NALCN: variants seen among roughly 807,000 people sequenced by gnomAD.
NALCN encodes the protein sodium leak channel, non-selective.
A neutral mutation model predicts 225.3 loss-of-function variants in NALCN; 111 were observed. The ratio of observed to expected loss-of-function variants is 0.49; its 90% CI spans 0.42 to 0.58. The LOEUF (loss-of-function observed/expected upper bound fraction) is 0.58. Ranked by LOEUF, NALCN falls within the 20% of genes least tolerant of loss-of-function variation. The pLI, the probability that NALCN is intolerant of heterozygous loss-of-function variation, is 0.00. For synonymous variants in NALCN, 764 were observed against 769.0 expected, an observed-to-expected ratio of 0.99 and a Z score of 0.11; for missense variants, 1,378 against 2,202.4, an observed-to-expected ratio of 0.63 and a Z score of 7.49.
rs7981939 is a variant in NALCN at position 101,101,009 on chromosome 13, G to T, written c.3058-121C>A. On this transcript the variant is annotated intron_variant, in intron 26 of 43. Transcript: ENST00000251127. Reference sequence around the variant, plus strand: ...TGTATAAAAATCATGGGTTTTTGATGATATATTTTAACTTCTCCACCATAG... The same window carrying T: ...TGTATAAAAATCATGGGTTTTTGATTATATATTTTAACTTCTCCACCATAG... The T allele has an allele frequency of 0.35, 261,031 of 746,642 alleles. 49,152 individuals carry two copies. The highest frequency in any genetic ancestry group is 0.43 in the East Asian group (14,618 of 33,906). 46.3% of individuals were successfully genotyped at this position (746,642 alleles called of 1,614,324 possible).
chr13:101,376,561 T>C, intron 6 of NALCN, 139 bp downstream of exon 6: 1 of 728,298 alleles, frequency 1.4e-6, no homozygotes, highest in Non-Finnish European at 2.1e-6. Flanking sequence ...ACAAAAACAA[T>C]ACCGAGGAAG....
chr13:101,101,770 C>A (rs111275976), intron 26 of NALCN, among the ~76,000 whole-genome samples: 1 of 152,014 alleles, frequency 6.6e-6, no homozygotes, highest in Non-Finnish European at 1.5e-5. Flanking sequence ...TCAGCAGAGA[C>A]GAGTGGCAGA....
chr13:101,215,393 T>C lies in NALCN; in HGVS notation c.1626+14000A>G, dbSNP rs142851622. Among the ~76,000 whole-genome samples the C allele has an allele frequency of 7.3e-3, 1,111 of 152,284 alleles. 10 individuals carry two copies. Among genetic ancestry groups the C allele is most frequent in the South Asian group, 0.029 (139 of 4,826 alleles). On this transcript the variant is annotated intron_variant, in intron 13 of 43. Transcript: ENST00000251127. ...TACTTTTCTATTGATGTGTAACAAA[T>C]TACCACAAACGAAGCAGCTTAACAC...
chr13:101,411,065 A>G (rs528373741), intron 1 of NALCN, among the ~76,000 whole-genome samples: 1 of 152,274 alleles, frequency 6.6e-6, no homozygotes, highest in East Asian at 1.9e-4. Context: ...TTGGCATTCT[A>G]ATTTACCTTA....
At chr13:101,326,868 G>T (rs1266301063) in intron 7 of NALCN, among the ~76,000 whole-genome samples, 1 of 152,150 alleles carries the variant, frequency 6.6e-6, no homozygotes, top group African/African-American at 2.4e-5. Flanking sequence ...AGCAGCTGGG[G>T]CTGGCTGACC....
chr13:101,150,238 T>C (rs1384113047), intron 15 of NALCN, among the ~76,000 whole-genome samples: 1 of 150,590 alleles, frequency 6.6e-6, no homozygotes, highest in Admixed American at 6.6e-5. Flanking sequence ...AGAGTGGTCG[T>C]CCTGGGTGGG....
At chr13:101,188,973 C>A (rs1252294879) in intron 14 of NALCN, among the ~76,000 whole-genome samples, 1 of 152,126 alleles carries the variant, frequency 6.6e-6, no homozygotes, top group Non-Finnish European at 1.5e-5. Flanking sequence ...CAGGCGTGAG[C>A]CACCGTGCTG....
At chr13:101,260,560 A>G (rs1191612478) in intron 10 of NALCN, among the ~76,000 whole-genome samples, 2 of 152,118 alleles carry the variant, frequency 1.3e-5, no homozygotes, top group East Asian at 3.9e-4. Context: ...AATATAAACC[A>G]TTTTAACTGG....
chr13:101,068,811 C>G lies in NALCN; in HGVS notation c.4214G>C (p.Cys1405Ser). The G allele has an allele frequency of 6.2e-7, 1 of 1,608,410 alleles. No individual in the cohort carries two copies. Among genetic ancestry groups the G allele is most frequent in the East Asian group, 2.2e-5 (1 of 44,608 alleles). The change falls in exon 38 of 44, where the codon TGT becomes TCT. Residue 1405 changes from cysteine to serine, a missense_variant. Cys to Ser is a moderately radical substitution (Grantham distance 112). Transcript: ENST00000251127. ...MHDCMVQPPF[C>S]TPDEFTYWAT... ...CCAGTATGTAAATTCATCTGGAGTA[C>G]AAAACGGAGGCTGAACCTTTGGGGC... is the stretch of plus-strand genomic sequence containing the variant.
chr13:101,274,182 A>G (rs1566516311), intron 10 of NALCN, among the ~76,000 whole-genome samples: 1 of 152,216 alleles, frequency 6.6e-6, no homozygotes, highest in Admixed American at 6.5e-5. Context: ...CTAGCTATAT[A>G]TGTTAGAACA....
intron 17 of NALCN, among the ~76,000 whole-genome samples, chr13:101,126,406 T>C (rs757836528): frequency 1.5e-4 from 23 of 152,186 alleles, no homozygotes; most frequent in Non-Finnish European, 2.9e-5. Context: ...GGAACTTCCA[T>C]TTTCTTGGTA....
At chr13:101,408,625 G>A (rs930655597) in intron 1 of NALCN, among the ~76,000 whole-genome samples, 2 of 152,130 alleles carry the variant, frequency 1.3e-5, no homozygotes, top group Admixed American at 1.3e-4. Context: ...CAAAAGTCAA[G>A]ACCCTGATTT....
intron 1 of NALCN, among the ~76,000 whole-genome samples, chr13:101,415,379 T>C (rs2047913911): frequency 6.6e-6 from 1 of 152,052 alleles, no homozygotes; most frequent in Admixed American, 6.5e-5. Context: ...GAACACCAGA[T>C]TAAGAGTAAA....
intron 15 of NALCN, among the ~76,000 whole-genome samples, chr13:101,173,986 G>A (rs191993452): frequency 6.6e-6 from 1 of 152,056 alleles, no homozygotes; most frequent in South Asian, 2.1e-4. Flanking sequence ...TAAAGGCCAA[G>A]ATCACTGAAA....
intron 11 of NALCN, among the ~76,000 whole-genome samples, chr13:101,255,340 C>T (rs1254370234): frequency 2.6e-5 from 4 of 152,134 alleles, no homozygotes; most frequent in Non-Finnish European, 5.9e-5. Flanking sequence ...CAATTCTGTA[C>T]ATGAAAAAGT....
chr13:101,132,631 T>C (rs1031854163), intron 17 of NALCN, among the ~76,000 whole-genome samples: 2 of 152,104 alleles, frequency 1.3e-5, no homozygotes, highest in African/African-American at 4.8e-5. Context: ...TTATCTCTTT[T>C]TTCCAGATTA....
chr13:101,227,299 C>T (rs74120421), intron 13 of NALCN, among the ~76,000 whole-genome samples: 2,619 of 152,286 alleles, frequency 0.017, 78 homozygotes, highest in African/African-American at 0.058. Context: ...CTTGCCCTCT[C>T]TCATCAGCAC....
intron 14 of NALCN, among the ~76,000 whole-genome samples, chr13:101,182,341 G>C (rs190748243): frequency 2.0e-5 from 3 of 152,102 alleles, no homozygotes; most frequent in African/African-American, 7.2e-5. Flanking sequence ...GACTCCTAAA[G>C]GAAGAGCTTT....
chr13:101,377,989 T>A (rs2046742648), intron 4 of NALCN, among the ~76,000 whole-genome samples: 1 of 152,234 alleles, frequency 6.6e-6, no homozygotes, highest in East Asian at 1.9e-4. Flanking sequence ...AATAAAGCAT[T>A]TAATATTTGC....
Sources: allele counts gnomAD v4.1 joint callset (sites outside exome capture counted in the v4.1 genomes callset), GRCh38; gene constraint gnomAD v4.1.1; transcripts MANE v1.5; gene names NCBI Gene and HGNC (gene_info 2026-07-23, HGNC 2026-07-21).